The following CFDP1 variants were observed in gnomAD, a reference collection of about 807,000 sequenced individuals.
The protein encoded by CFDP1 is chromatin remodeling protein CFDP1.
CFDP1 carries 31 observed loss-of-function variants against 40.1 expected under a neutral mutation model. The observed-to-expected ratio is 0.77, with a 90% CI of 0.58 to 1.04. The LOEUF (loss-of-function observed/expected upper bound fraction) is 1.04. Ranked by LOEUF, CFDP1 falls within the 50% of genes least tolerant of loss-of-function variation. The pLI is 0.00. For missense variants in CFDP1, 423 were observed against 343.4 expected (o/e 1.23, Z -1.83); for synonymous variants, 167 against 120.0 (o/e 1.39, Z -2.56).
chr16:75,399,634 C>T (rs2079030803), intron 4 of CFDP1, among the ~76,000 whole-genome samples: 2 of 152,068 alleles, frequency 1.3e-5, no homozygotes, highest in African/African-American at 4.8e-5. Flanking sequence ...CTGCCTTGGC[C>T]TCCCAGTGCT....
At chr16:75,401,519 G>A (rs1013261721) in intron 4 of CFDP1, among the ~76,000 whole-genome samples, 1 of 151,382 alleles carries the variant, frequency 6.6e-6, no homozygotes, top group African/African-American at 2.4e-5. Context: ...AGATTCGTTT[G>A]AACCCAGGAG....
Position 75,425,452 on chromosome 16 carries a change from T to C in CFDP1, c.64+7837A>G, listed in dbSNP as rs370682141. Among the ~76,000 whole-genome samples, 4 of 149,928 alleles carry C rather than the reference T, an allele frequency of 2.7e-5. No individual in the cohort carries two copies. In the East Asian group the frequency reaches 5.9e-4, roughly 22 times the overall value. ...AAAGGAACAAGAGCAGCCAAAACTA[T>C]TTTGAAAAAGAATAAAGTTGGAGTA... On this transcript the variant is annotated intron_variant, in intron 1 of 6. Coordinates refer to ENST00000283882, the MANE Select transcript of CFDP1 (RefSeq NM_006324.3).
chr16:75,383,795 GC>G (rs1349462412), intron 5 of CFDP1, among the ~76,000 whole-genome samples: 2 of 132,342 alleles, frequency 1.5e-5, no homozygotes, highest in African/African-American at 5.6e-5. Context: ...CTCTAGCCTG[GC>G]AAAAGAGCGA....
In CFDP1 at chr16:75,433,436, C is replaced by T; in HGVS notation, c.-84G>A. The T allele has an allele frequency of 7.1e-7, 1 of 1,408,866 alleles. No individual in the cohort carries two copies. The allele number at this position is 1,408,866 out of a possible 1,614,324, so 87.3% of individuals were successfully genotyped here. ...AAAGCTCTAGGGAGAGACCATAGAG[C>T]CCCGGCGGCGGCGACGGCAGCTAGG... On this transcript the variant is annotated 5_prime_UTR_variant, in exon 1 of 7. Transcript: ENST00000283882.
At chr16:75,379,270 T>C (rs549435287) in intron 5 of CFDP1, among the ~76,000 whole-genome samples, 5 of 148,840 alleles carry the variant, frequency 3.4e-5, no homozygotes, top group African/African-American at 9.9e-5. Context: ...AAGGGAAAGA[T>C]CAATGAAACA....
intron 5 of CFDP1, among the ~76,000 whole-genome samples, chr16:75,354,202 G>C (rs2078631430): frequency 6.6e-6 from 1 of 152,206 alleles, no homozygotes; most frequent in African/African-American, 2.4e-5. Flanking sequence ...GCCAAGCTTT[G>C]ATGTTTGGTA....
chr16:75,400,033 G>A (rs931180715), intron 4 of CFDP1, among the ~76,000 whole-genome samples: 1 of 150,592 alleles, frequency 6.6e-6, no homozygotes, highest in African/African-American at 2.4e-5. Flanking sequence ...CCCAGGAGGT[G>A]GAGGTTGCGG....
intron 5 of CFDP1, among the ~76,000 whole-genome samples, chr16:75,324,208 G>T (rs1162428480): frequency 2.0e-5 from 3 of 152,124 alleles, no homozygotes; most frequent in African/African-American, 7.2e-5. Flanking sequence ...TCTGAGATGG[G>T]GAAAGCTATA....
rs375776361 is a variant in CFDP1 at position 75,317,555 on chromosome 16, A to G, written c.651-12373T>C. On this transcript the variant is annotated intron_variant, in intron 5 of 6. Transcript: ENST00000283882. ...TGAGGTGCGAACTGCTGTTGCTTTA[A>G]TTTGTATGATTAGACACAGCTGGGG... 1.2e-4 allele frequency among the ~76,000 whole-genome samples: 18 copies of G among 152,350 alleles called. No homozygotes were observed. In the East Asian group the frequency reaches 3.1e-3, roughly 26 times the overall value.
At chr16:75,294,815 C>A (rs768307951) in intron 6 of CFDP1, among the ~76,000 whole-genome samples, 1 of 152,098 alleles carries the variant, frequency 6.6e-6, no homozygotes, top group Non-Finnish European at 1.5e-5. Flanking sequence ...CACTCTGCTC[C>A]CTAATCTGGT....
At chr16:75,374,178 T>G (rs4887822) in intron 5 of CFDP1, among the ~76,000 whole-genome samples, 2 of 151,602 alleles carry the variant, frequency 1.3e-5, no homozygotes, top group Admixed American at 1.3e-4. Flanking sequence ...ACTTGAACCC[T>G]GGAGGTGGAG....
chr16:75,420,293 T>C (rs866354457), intron 1 of CFDP1, among the ~76,000 whole-genome samples: 28 of 152,320 alleles, frequency 1.8e-4, no homozygotes, highest in African/African-American at 6.5e-4. Context: ...CAACCAGATA[T>C]TGTGTCTTCT....
intron 5 of CFDP1, chr16:75,381,399 A>C (rs1433358049): frequency 2.0e-5 from 3 of 152,196 alleles, no homozygotes. Flanking sequence ...GGGGATATGA[A>C]TGAATACTTA....
At chr16:75,419,180 A>G in intron 1 of CFDP1, 1 of 228,274 alleles carries the variant, frequency 4.4e-6, no homozygotes, top group Non-Finnish European at 9.6e-6. Flanking sequence ...CCTACTGGCC[A>G]AAGCAGTGAA....
intron 1 of CFDP1, among the ~76,000 whole-genome samples, chr16:75,426,477 A>G (rs2079343875): frequency 6.6e-6 from 1 of 152,134 alleles, no homozygotes; most frequent in Non-Finnish European, 1.5e-5. Flanking sequence ...AACCCATAAT[A>G]GAAAAATTTG....
Position 75,395,176 on chromosome 16 carries a change from C to T in CFDP1, c.564G>A (p.Glu188=). Residue 188 remains glutamate (E), a synonymous_variant, in exon 5 of 7, where the codon GAG becomes GAA. Transcript: ENST00000283882. ...VTKEVDATSK[E]AKSFFKQNEK... is the part of the protein sequence containing the mutation. ...CATTCTGCTTGAAGAAGGATTTGGC[C>T]TCTTTAGATGTAGCATCCACTTCCT... is the stretch of plus-strand genomic sequence containing the variant. 1 of 1,613,684 alleles carries T rather than the reference C, an allele frequency of 6.2e-7. No homozygotes were observed. Among genetic ancestry groups the T allele is most frequent in the Admixed American group, 1.7e-5 (1 of 60,000 alleles).
intron 1 of CFDP1, chr16:75,419,165 G>A: frequency 3.6e-6 from 1 of 278,380 alleles, no homozygotes; most frequent in Non-Finnish European, 7.7e-6. Context: ...CAGCCTGAAA[G>A]AGCTCCTACT....
intron 5 of CFDP1, among the ~76,000 whole-genome samples, chr16:75,385,550 T>C (rs1393727065): frequency 6.6e-6 from 1 of 151,314 alleles, no homozygotes; most frequent in African/African-American, 2.4e-5. Context: ...AAAAAAAAAA[T>C]TCTAATAAAA....
intron 5 of CFDP1, among the ~76,000 whole-genome samples, chr16:75,313,307 T>G (rs913521466): frequency 3.3e-5 from 5 of 152,180 alleles, no homozygotes; most frequent in Admixed American, 6.5e-5. Flanking sequence ...GTAAAAGAAC[T>G]TGTGCTACCA....
Sources: gnomAD v4.1 joint callset for allele counts (sites outside exome capture counted in the v4.1 genomes callset) on GRCh38, gnomAD v4.1.1 for gene constraint, MANE v1.5 for transcripts, NCBI Gene and HGNC (gene_info 2026-07-23, HGNC 2026-07-21) for gene names.